FAM180A: variants seen among roughly 807,000 people sequenced by gnomAD.
FAM180A encodes protein FAM180A.
A neutral mutation model predicts 15.3 loss-of-function variants in FAM180A; 14 were observed. That is an observed-to-expected ratio of 0.92 (90% CI 0.61 to 1.43). FAM180A has a LOEUF of 1.43. Among genes scored for constraint, FAM180A ranks in the 40% most tolerant of loss-of-function variants. The pLI is 0.00. For synonymous variants in FAM180A, 90 were observed against 96.8 expected (o/e 0.93, Z 0.41); for missense variants, 200 against 220.8 (o/e 0.91, Z 0.60).
At chr7:135,741,878 A>G (rs529964771) in intron 1 of FAM180A, among the ~76,000 whole-genome samples, 48 of 152,254 alleles carry the variant, frequency 3.2e-4, no homozygotes, top group East Asian at 2.1e-3. Context: ...AATGAATGTC[A>G]CTGATAAGGA....
intron 1 of FAM180A, among the ~76,000 whole-genome samples, chr7:135,745,477 G>A (rs185919550): frequency 1.6e-4 from 25 of 152,090 alleles, no homozygotes; most frequent in Non-Finnish European, 2.5e-4. Flanking sequence ...ACCTGTGTGT[G>A]TGTGTGTGTG....
intron 1 of FAM180A, among the ~76,000 whole-genome samples, chr7:135,739,439 T>C (rs1305744320): frequency 3.3e-5 from 5 of 149,388 alleles, no homozygotes; most frequent in Non-Finnish European, 7.4e-5. Flanking sequence ...TGAAACCCCA[T>C]CTCTACTAAA....
Position 135,748,560 on chromosome 7 carries a change from C to A in FAM180A, c.21G>T (p.Leu7=). The stretch of plus-strand genomic sequence containing the variant: ...CAGCATTGTAATACAACAGCAGAAG[C>A]AGCAACATCTTCCAATGCATCTTGT... MHWKML[L]LLLLYYNAEA... is the part of the protein sequence containing the mutation. The change falls in exon 1 of 4, where the codon CTG becomes CTT. Residue 7 remains leucine, a synonymous_variant. Transcript: ENST00000338588. 6.2e-7 allele frequency: 1 copy of A among 1,614,140 alleles called. No individual in the cohort carries two copies. The highest frequency in any genetic ancestry group is 8.5e-7 in the Non-Finnish European group (1 of 1,179,974).
chr7:135,740,409 G>A (rs892110893), intron 1 of FAM180A, among the ~76,000 whole-genome samples: 5 of 152,160 alleles, frequency 3.3e-5, no homozygotes, highest in African/African-American at 7.2e-5. Flanking sequence ...CTGTGTGGCC[G>A]CTCTTTGTTT....
At chr7:135,734,394 C>G in intron 2 of FAM180A, 75 bp from the exon 3 acceptor site, 1 of 1,402,114 alleles carries the variant, frequency 7.1e-7, no homozygotes, top group Non-Finnish European at 9.6e-7. Flanking sequence ...TATCACGCAC[C>G]TTCCCTTAGG....
At chr7:135,737,761 G>A (rs900772110) in intron 1 of FAM180A, among the ~76,000 whole-genome samples, 2 of 151,734 alleles carry the variant, frequency 1.3e-5, no homozygotes, top group East Asian at 1.9e-4. Flanking sequence ...CTGAGAAAAC[G>A]AGAAAAGAAA....
chr7:135,738,008 T>G (rs1796896131), intron 1 of FAM180A, among the ~76,000 whole-genome samples: 1 of 152,208 alleles, frequency 6.6e-6, no homozygotes, highest in African/African-American at 2.4e-5. Flanking sequence ...TTTATGTTGA[T>G]TCACTGCCTG....
In FAM180A at chr7:135,729,640, T is replaced by C. The variant is rs1471616413; in HGVS notation, c.*971A>G. 2.0e-6 allele frequency: 2 copies of C among 983,096 alleles called. No individual in the cohort carries two copies. The highest frequency in any genetic ancestry group is 1.1e-4 in the East Asian group (1 of 8,828). 60.9% of individuals were successfully genotyped at this position (983,096 alleles called of 1,614,324 possible). ...ACATCTTTATTATACCATAGATGAA[T>C]ATTTGTTAAATAAAAATAGGTACAG... On this transcript the variant is annotated 3_prime_UTR_variant, in exon 4 of 4. Coordinates refer to ENST00000338588, the MANE Select transcript of FAM180A (RefSeq NM_205855.4).
chr7:135,741,535 A>T (rs1255716675), intron 1 of FAM180A, among the ~76,000 whole-genome samples: 3 of 151,728 alleles, frequency 2.0e-5, no homozygotes, highest in Non-Finnish European at 2.9e-5. Flanking sequence ...AAAAAAATGT[A>T]AGTGTGTACC....
At chr7:135,732,864 C>A (rs1009339012) in intron 3 of FAM180A, among the ~76,000 whole-genome samples, 3 of 152,184 alleles carry the variant, frequency 2.0e-5, no homozygotes, top group Non-Finnish European at 2.9e-5. Flanking sequence ...GGGTAGAATT[C>A]TGTCATCTGA....
At chr7:135,736,222 C>T (rs1410564746) in intron 2 of FAM180A, among the ~76,000 whole-genome samples, 2 of 152,058 alleles carry the variant, frequency 1.3e-5, no homozygotes, top group Admixed American at 6.6e-5. Context: ...GGGGTTTCAC[C>T]GTGTTGGCCA....
At chr7:135,738,787 G>A (rs1050550489) in intron 1 of FAM180A, among the ~76,000 whole-genome samples, 5 of 152,154 alleles carry the variant, frequency 3.3e-5, no homozygotes, top group Admixed American at 2.0e-4. Context: ...AGAAATGATC[G>A]GCAAGCCCTC....
chr7:135,739,310 CA>C (rs11383815), intron 1 of FAM180A, among the ~76,000 whole-genome samples: 205 of 76,588 alleles, frequency 2.7e-3, no homozygotes, highest in Admixed American at 5.1e-3. Flanking sequence ...GACTGCATCT[CA>C]AAAAAAAAAA....
At chr7:135,735,779 T>G (rs1361083697) in intron 2 of FAM180A, among the ~76,000 whole-genome samples, 1 of 152,184 alleles carries the variant, frequency 6.6e-6, no homozygotes, top group Non-Finnish European at 1.5e-5. Flanking sequence ...CTGAGATCAC[T>G]GCAACCTCCA....
In FAM180A at chr7:135,729,820, A is replaced by C; in HGVS notation, c.*791T>G. The C allele has an allele frequency of 1.1e-6, 1 of 919,402 alleles. No homozygotes were observed. Among genetic ancestry groups the C allele is most frequent in the Non-Finnish European group, 1.3e-6 (1 of 769,774 alleles). The allele number at this position is 919,402 out of a possible 1,614,324, so 57.0% of individuals were successfully genotyped here. On this transcript the variant is annotated 3_prime_UTR_variant, in exon 4 of 4. Transcript: ENST00000338588. ...AGTCAGACTCTCAAAAACAGAAAGC[A>C]GAATAATGGTGCCAAGAGCTGGGGC...
chr7:135,748,712 A>G lies in FAM180A; in HGVS notation c.-132T>C. 4.0e-6 allele frequency: 3 copies of G among 747,908 alleles called. No individual in the cohort carries two copies. The highest frequency in any genetic ancestry group is 3.1e-5 in the South Asian group (2 of 63,912). 46.3% of individuals were successfully genotyped at this position (747,908 alleles called of 1,614,324 possible). A position where few individuals can be genotyped will look rare whatever the true frequency, so the allele number is the denominator to read the frequency against. The stretch of plus-strand genomic sequence containing the variant: ...CCCTTCCTTTTGCAGACGTGCAGAA[A>G]TGCCTACTCTGCCTCAGAAGGCTGG... On this transcript the variant is annotated 5_prime_UTR_variant, in exon 1 of 4. Coordinates refer to ENST00000338588, the MANE Select transcript of FAM180A (RefSeq NM_205855.4).
At chr7:135,736,021 CTT>C (rs1194298118) in intron 2 of FAM180A, among the ~76,000 whole-genome samples, 1 of 134,502 alleles carries the variant, frequency 7.4e-6, no homozygotes. Flanking sequence ...TCTTTCTTTT[CTT>C]TTTTTTTTTT....
intron 1 of FAM180A, among the ~76,000 whole-genome samples, chr7:135,746,074 C>T (rs1171577444): frequency 6.6e-6 from 1 of 152,064 alleles, no homozygotes; most frequent in East Asian, 1.9e-4. Context: ...GACTCTGTAT[C>T]ATTTGTTGAC....
At position 135,733,742 on chromosome 7, in the gene FAM180A, T is replaced by G. The variant is rs1215247378; in HGVS notation, c.*233A>C. 7.4e-7 allele frequency: 1 copy of G among 1,343,764 alleles called. No homozygotes were observed. The highest frequency in any genetic ancestry group is 2.8e-5 in the East Asian group (1 of 35,200). 83.2% of individuals were successfully genotyped at this position (1,343,764 alleles called of 1,614,324 possible). ...AACCATTCTGCCCATGGAGGCGTCT[T>G]GAATGACCATTCCAGCCCTTTCTTC... On this transcript the variant is annotated 3_prime_UTR_variant, in exon 3 of 4. Transcript: ENST00000338588.
Sources: gnomAD v4.1 joint callset for allele counts (sites outside exome capture counted in the v4.1 genomes callset) on GRCh38, gnomAD v4.1.1 for gene constraint, MANE v1.5 for transcripts, NCBI Gene and HGNC (gene_info 2026-07-23, HGNC 2026-07-21) for gene names.